Variants in TTC23 observed in about 807,000 individuals in gnomAD.
TTC23 encodes tetratricopeptide repeat domain 23.
A neutral mutation model predicts 55.1 loss-of-function variants in TTC23; 58 were observed. That is an observed-to-expected ratio of 1.05 (90% CI 0.85 to 1.31). TTC23 has a LOEUF of 1.31. TTC23 is among the 50% of genes most tolerant of loss of function. The probability of loss-of-function intolerance (pLI) is 0.00; values close to 1 mark genes in which losing one functional copy is unlikely to be tolerated. For synonymous variants in TTC23, 203 were observed against 199.9 expected (o/e 1.02, Z -0.13); for missense variants, 516 against 534.4 (o/e 0.97, Z 0.34).
chr15:99,171,470 A>G (rs1182881620), intron 10 of TTC23, among the ~76,000 whole-genome samples: 4 of 151,840 alleles, frequency 2.6e-5, no homozygotes, highest in African/African-American at 7.3e-5. Flanking sequence ...TGGAAGTACC[A>G]GCACCTGTAT....
At chr15:99,183,787 C>T (rs1205404848) in intron 9 of TTC23, among the ~76,000 whole-genome samples, 1 of 152,088 alleles carries the variant, frequency 6.6e-6, no homozygotes, top group Non-Finnish European at 1.5e-5. Flanking sequence ...GCATAAGTAA[C>T]GAGGAGCTGA....
At chr15:99,221,054 A>G (rs937704659) in intron 6 of TTC23, among the ~76,000 whole-genome samples, 2 of 152,204 alleles carry the variant, frequency 1.3e-5, no homozygotes, top group Admixed American at 1.3e-4. Flanking sequence ...AGTTGTTCCA[A>G]TTAGAACCCT....
chr15:99,247,518 T>C (rs953608649), intron 1 of TTC23, among the ~76,000 whole-genome samples: 5 of 152,192 alleles, frequency 3.3e-5, no homozygotes, highest in African/African-American at 1.2e-4. Flanking sequence ...GATTATTACT[T>C]AGCAATAAAA....
chr15:99,190,772 A>G (rs966824837), intron 9 of TTC23, among the ~76,000 whole-genome samples: 1 of 151,944 alleles, frequency 6.6e-6, no homozygotes, highest in Non-Finnish European at 1.5e-5. Context: ...ACTTTTAGAC[A>G]TTTATATGTC....
intron 9 of TTC23, 140 bp from the exon 10 acceptor site, chr15:99,175,295 C>G (rs1006928506): frequency 2.5e-5 from 17 of 681,894 alleles, no homozygotes; most frequent in Non-Finnish European, 4.0e-5. Context: ...GAAGTGAAAT[C>G]AACTCGCAGG....
chr15:99,201,703 A>G (rs2076216373), intron 8 of TTC23, among the ~76,000 whole-genome samples: 2 of 152,212 alleles, frequency 1.3e-5, no homozygotes, highest in Non-Finnish European at 2.9e-5. Context: ...TACAGCTTGT[A>G]GAAACTCTAA....
At chr15:99,221,636 G>C in intron 6 of TTC23, 105 bp downstream of exon 6, 1 of 1,415,036 alleles carries the variant, frequency 7.1e-7, no homozygotes, top group Non-Finnish European at 9.6e-7. Context: ...TATTTAGAAA[G>C]GAGAATATTA....
chr15:99,214,077 T>C (rs1280394350), intron 8 of TTC23, among the ~76,000 whole-genome samples: 3 of 152,172 alleles, frequency 2.0e-5, no homozygotes, highest in Admixed American at 6.6e-5. Context: ...GTCTTAAAAT[T>C]TTTTTAGCCA....
At chr15:99,221,453 T>A (rs1263207018) in intron 6 of TTC23, among the ~76,000 whole-genome samples, 1 of 152,222 alleles carries the variant, frequency 6.6e-6, no homozygotes, top group Non-Finnish European at 1.5e-5. Flanking sequence ...TCCTACAAAG[T>A]CTTCTGGCCC....
intron 9 of TTC23, among the ~76,000 whole-genome samples, chr15:99,175,517 C>T (rs2073444633): frequency 6.6e-6 from 1 of 152,194 alleles, no homozygotes; most frequent in Non-Finnish European, 1.5e-5. Context: ...AGCCCAGTGC[C>T]CTGCCTACCC....
chr15:99,167,208 C>T (rs1019389804), intron 10 of TTC23, among the ~76,000 whole-genome samples: 2 of 152,218 alleles, frequency 1.3e-5, no homozygotes, highest in African/African-American at 4.8e-5. Context: ...GTCATAGCCC[C>T]TTCAAGTGGC....
chr15:99,173,406 G>C (rs2151927082), intron 10 of TTC23, among the ~76,000 whole-genome samples: 1 of 152,260 alleles, frequency 6.6e-6, no homozygotes, highest in African/African-American at 2.4e-5. Flanking sequence ...TCCTTGGCAA[G>C]ACTCTGTCTT....
At chr15:99,225,036 A>G (rs1238482813) in intron 5 of TTC23, among the ~76,000 whole-genome samples, 1 of 152,198 alleles carries the variant, frequency 6.6e-6, no homozygotes, top group Non-Finnish European at 1.5e-5. Context: ...TGACAACATC[A>G]TGGAATCCAG....
At chr15:99,227,726 G>C (rs2078576678) in intron 5 of TTC23, among the ~76,000 whole-genome samples, 2 of 152,124 alleles carry the variant, frequency 1.3e-5, no homozygotes, top group African/African-American at 4.8e-5. Context: ...CAGTTCCCCA[G>C]ACAGACTGCA....
At chr15:99,155,919 T>A (rs1296338443) in intron 12 of TTC23, 1 of 557,606 alleles carries the variant, frequency 1.8e-6, no homozygotes, top group Non-Finnish European at 3.1e-6. Flanking sequence ...TTAAAAATAT[T>A]TGCATAGTAA....
In TTC23 at chr15:99,221,742, T is replaced by C; in HGVS notation, c.303A>G (p.Lys101=). ...VNLAQGYLQL[K]GLSLQAKQHA... is the part of the protein sequence containing the mutation. ...CCCCTCAGTCTAAGGCGAGCTTACC[T>C]TTCAGCTGGAGGTAGCCTTGAGCCA... Residue 101 remains lysine, a splice_region_variant and synonymous_variant, in exon 6 of 14, where the codon AAA becomes AAG. Transcript: ENST00000394132. 1 of 1,613,990 alleles carries C rather than the reference T, an allele frequency of 6.2e-7. No individual in the cohort carries two copies. Among genetic ancestry groups the C allele is most frequent in the Non-Finnish European group, 8.5e-7 (1 of 1,179,888 alleles).
intron 10 of TTC23, among the ~76,000 whole-genome samples, chr15:99,173,257 C>G (rs1413022915): frequency 6.6e-6 from 1 of 152,212 alleles, no homozygotes; most frequent in African/African-American, 2.4e-5. Context: ...TGTTTTGACT[C>G]ACTCAGAGCC....
intron 5 of TTC23, 106 bp downstream of exon 5, chr15:99,228,427 T>C: frequency 9.6e-7 from 1 of 1,044,778 alleles, no homozygotes; most frequent in Non-Finnish European, 1.3e-6. Context: ...CTTTCTTGTA[T>C]CAAACTGCTG....
chr15:99,177,452 A>G (rs2073691574), intron 9 of TTC23, among the ~76,000 whole-genome samples: 1 of 152,246 alleles, frequency 6.6e-6, no homozygotes. Flanking sequence ...CTTCATGTGT[A>G]TATAGACAAT....
Sources: allele counts gnomAD v4.1 joint callset (sites outside exome capture counted in the v4.1 genomes callset), GRCh38; gene constraint gnomAD v4.1.1; transcripts MANE v1.5; gene names NCBI Gene and HGNC (gene_info 2026-07-23, HGNC 2026-07-21).